PDLIM1: variants seen among roughly 807,000 people sequenced by gnomAD.
The protein encoded by PDLIM1 is PDZ and LIM domain protein 1.
A neutral mutation model predicts 35.2 loss-of-function variants in PDLIM1; 25 were observed. That is an observed-to-expected ratio of 0.71 (90% confidence interval 0.52 to 0.99). PDLIM1 has a LOEUF of 0.99. Ranked by LOEUF, PDLIM1 falls within the 50% of genes least tolerant of loss-of-function variation. PDLIM1 has a pLI of 0.00. For missense variants in PDLIM1, 363 were observed against 415.3 expected, an observed-to-expected ratio of 0.87 and a Z score of 1.09; for synonymous variants, 152 against 154.0, an observed-to-expected ratio of 0.99 and a Z score of 0.10.
chr10:95,240,984 A>G (rs1472056245), intron 5 of PDLIM1, among the ~76,000 whole-genome samples: 2 of 147,916 alleles, frequency 1.4e-5, no homozygotes, highest in Non-Finnish European at 3.0e-5. Flanking sequence ...AAGGCCCAGG[A>G]TGGGGCCTAA....
At chr10:95,238,294 GT>G (rs2035144317) in intron 6 of PDLIM1, among the ~76,000 whole-genome samples, 183 bp from the exon 7 acceptor site, 1 of 152,158 alleles carries the variant, frequency 6.6e-6, no homozygotes, top group African/African-American at 2.4e-5. Flanking sequence ...CCTTCCCAGG[GT>G]CCAGAGACAT....
chr10:95,286,348 C>G (rs991425719), intron 1 of PDLIM1, among the ~76,000 whole-genome samples: 3 of 138,750 alleles, frequency 2.2e-5, no homozygotes, highest in African/African-American at 7.7e-5. Flanking sequence ...CAGAGCGACA[C>G]CCTGTCTCAA....
At chr10:95,239,895 C>T (rs1219989518) in intron 5 of PDLIM1, among the ~76,000 whole-genome samples, 1 of 152,054 alleles carries the variant, frequency 6.6e-6, no homozygotes, top group Non-Finnish European at 1.5e-5. Context: ...AAAAAAAGCT[C>T]GACATCACTG....
intron 4 of PDLIM1, among the ~76,000 whole-genome samples, chr10:95,256,986 A>AAAAGAAAGAAAGAAAG (rs71034327): frequency 0.054 from 3,294 of 61,422 alleles, 198 homozygotes; most frequent in East Asian, 0.14. Context: ...AAAAAAAAAA[A>AAAAGAAAGAAAGAAAG]AAAGAAAGAA....
chr10:95,254,888 A>AAG (rs776708634), intron 4 of PDLIM1, among the ~76,000 whole-genome samples: 1 of 152,058 alleles, frequency 6.6e-6, no homozygotes, highest in Non-Finnish European at 1.5e-5. Context: ...CAACCTGGGC[A>AAG]AGAGAGAGAG....
intron 4 of PDLIM1, among the ~76,000 whole-genome samples, chr10:95,249,638 C>T (rs1225673559): frequency 3.9e-5 from 6 of 152,120 alleles, no homozygotes; most frequent in Admixed American, 3.3e-4. Flanking sequence ...GGTAATTCTC[C>T]GCAAGTTCCC....
At chr10:95,270,758 T>C (rs1589516101) in intron 2 of PDLIM1, among the ~76,000 whole-genome samples, 1 of 148,028 alleles carries the variant, frequency 6.8e-6, no homozygotes, top group South Asian at 2.1e-4. Context: ...CCTAAGGACA[T>C]TTTTTTTTTT....
At chr10:95,252,616 A>G (rs45498798) in intron 4 of PDLIM1, among the ~76,000 whole-genome samples, 10,756 of 152,298 alleles carry the variant, frequency 0.071, 448 homozygotes, top group South Asian at 0.18. Context: ...CAAAGATGGT[A>G]ACACAGTCAT....
At chr10:95,258,702 T>A (rs902848733) in intron 4 of PDLIM1, among the ~76,000 whole-genome samples, 3 of 152,106 alleles carry the variant, frequency 2.0e-5, no homozygotes, top group Non-Finnish European at 4.4e-5. Flanking sequence ...TTTCAATGGG[T>A]ACAGAATTTC....
chr10:95,243,142 C>T (rs769117028), intron 5 of PDLIM1, among the ~76,000 whole-genome samples: 16 of 151,970 alleles, frequency 1.1e-4, no homozygotes, highest in Non-Finnish European at 1.2e-4. Flanking sequence ...CTGGATAAAA[C>T]TGGGCACAGC....
At chr10:95,265,590 T>C (rs968109328) in intron 3 of PDLIM1, among the ~76,000 whole-genome samples, 1 of 70,110 alleles carries the variant, frequency 1.4e-5, no homozygotes, top group African/African-American at 5.5e-5. Flanking sequence ...AGTGGAACTC[T>C]GTCAAAAAAA....
chr10:95,248,365 C>T (rs1172562541), intron 4 of PDLIM1, among the ~76,000 whole-genome samples: 2 of 152,216 alleles, frequency 1.3e-5, no homozygotes, highest in Non-Finnish European at 2.9e-5. Flanking sequence ...CCTCCTGCCT[C>T]GGCCTCCTGA....
chr10:95,244,261 G>A (rs571466467), intron 5 of PDLIM1, among the ~76,000 whole-genome samples: 1 of 152,268 alleles, frequency 6.6e-6, no homozygotes, highest in Admixed American at 6.5e-5. Flanking sequence ...AGCTTGTGTT[G>A]GGTCTTCAAG....
intron 5 of PDLIM1, among the ~76,000 whole-genome samples, chr10:95,242,350 A>AT (rs574829943): frequency 1.1e-3 from 171 of 151,670 alleles, no homozygotes; most frequent in African/African-American, 3.7e-3. Context: ...TTTAAATGTC[A>AT]TTTTTTTTCA....
At chr10:95,254,552 C>T (rs920767255) in intron 4 of PDLIM1, among the ~76,000 whole-genome samples, 1 of 152,176 alleles carries the variant, frequency 6.6e-6, no homozygotes, top group South Asian at 2.1e-4. Flanking sequence ...TAGTTGAAGA[C>T]TTCTATACCC....
At chr10:95,287,416 A>G (rs185856251) in intron 1 of PDLIM1, among the ~76,000 whole-genome samples, 87 of 152,308 alleles carry the variant, frequency 5.7e-4, no homozygotes, top group African/African-American at 2.0e-3. Context: ...GATACTTGAG[A>G]AAAAGCATAA....
chr10:95,243,226 T>G (rs1463268728), intron 5 of PDLIM1, among the ~76,000 whole-genome samples: 1 of 152,172 alleles, frequency 6.6e-6, no homozygotes, highest in East Asian at 1.9e-4. Context: ...ACCTGTTGGC[T>G]TCAAGGTTTT....
chr10:95,245,018 G>A (rs968174965), intron 5 of PDLIM1, among the ~76,000 whole-genome samples: 1 of 152,182 alleles, frequency 6.6e-6, no homozygotes, highest in Non-Finnish European at 1.5e-5. Flanking sequence ...GATTTAATGC[G>A]GGTACACAGT....
At chr10:95,286,356 C>CA (rs71974459) in intron 1 of PDLIM1, among the ~76,000 whole-genome samples, 46,260 of 146,328 alleles carry the variant, frequency 0.32, 7,143 homozygotes, top group South Asian at 0.43. Context: ...CACCCTGTCT[C>CA]AAAAAAAAAA....
Sources: gnomAD v4.1 joint callset for allele counts (sites outside exome capture counted in the v4.1 genomes callset) on GRCh38, gnomAD v4.1.1 for gene constraint, MANE v1.5 for transcripts, NCBI Gene and HGNC (gene_info 2026-07-23, HGNC 2026-07-21) for gene names.